Variants in ITSN2 observed in about 807,000 individuals in gnomAD.
The protein encoded by ITSN2 is intersectin 2, also known as intersectin-2.
In ITSN2, 156 loss-of-function variants were observed where a neutral mutation model predicts 243.7. The observed-to-expected ratio is 0.64, with a 90% CI of 0.56 to 0.73. ITSN2 has a LOEUF of 0.73. Ranked by LOEUF, ITSN2 falls within the 30% of genes least tolerant of loss-of-function variation. The pLI, the probability that ITSN2 is intolerant of heterozygous loss-of-function variation, is 0.00. For missense variants in ITSN2, 1,801 were observed against 1,996.1 expected, an observed-to-expected ratio of 0.90 and a Z score of 1.86; for synonymous variants, 703 against 699.9, an observed-to-expected ratio of 1.00 and a Z score of -0.07.
chr2:24,315,094 A>C, intron 3 of ITSN2, 38 bp downstream of exon 3: 6 of 1,078,138 alleles, frequency 5.6e-6, no homozygotes, highest in Non-Finnish European at 8.4e-6. Flanking sequence ...TCACATAAGG[A>C]CCATAATTCA....
rs529134061 is a variant in ITSN2 at position 24,271,752 on chromosome 2, A to T, written c.2257+14T>A. The stretch of plus-strand genomic sequence containing the variant: ...TGCATTTGTTCTACTGTCTCAAAGT[A>T]TCCTTATCCTTACGTTTTTTCTCCT... On this transcript the variant is annotated intron_variant, in intron 19 of 39. Coordinates refer to ENST00000355123, the MANE Select transcript of ITSN2 (RefSeq NM_006277.3). 1.3e-6 allele frequency: 2 copies of T among 1,568,196 alleles called. No homozygotes were observed. Among genetic ancestry groups the T allele is most frequent in the Non-Finnish European group, 1.7e-6 (2 of 1,164,274 alleles).
At chr2:24,324,318 ATGGACTCTAC>A (rs983391228) in intron 2 of ITSN2, among the ~76,000 whole-genome samples, 2 of 152,122 alleles carry the variant, frequency 1.3e-5, no homozygotes, top group African/African-American at 2.4e-5. Flanking sequence ...CCGGGCAGTG[ATGGACTCTAC>A]TGCTATCCTA....
chr2:24,330,684 A>AT, intron 1 of ITSN2: 1 of 704,736 alleles, frequency 1.4e-6, no homozygotes, highest in Non-Finnish European at 2.6e-6. Flanking sequence ...AAGTGTGTGT[A>AT]TTTTTTATAA....
chr2:24,205,333 C>T (rs1212355683), intron 37 of ITSN2, 36 bp from the exon 38 acceptor site: 1 of 1,559,198 alleles, frequency 6.4e-7, no homozygotes, highest in South Asian at 1.1e-5. Flanking sequence ...TTAATCTCTT[C>T]TCCAAGGATG....
intron 20 of ITSN2, among the ~76,000 whole-genome samples, chr2:24,267,290 C>T (rs536556983): frequency 1.3e-5 from 2 of 151,122 alleles, no homozygotes; most frequent in South Asian, 2.1e-4. Context: ...ACGTAGATGA[C>T]AGGTTGATGG....
chr2:24,238,006 T>C (rs1672349744), intron 29 of ITSN2, among the ~76,000 whole-genome samples: 1 of 152,122 alleles, frequency 6.6e-6, no homozygotes, highest in Admixed American at 6.6e-5. Flanking sequence ...ATAATTACAC[T>C]TCCCCACCAT....
In ITSN2 at chr2:24,315,188, C is replaced by T. The variant is rs1232558704; in HGVS notation, c.68G>A (p.Arg23His). ...ATCAAACTGCCTGTCATGCTTAGTA[C>T]GTTCTTCAGAGGTAATAGCCCACAT... ...PNMWAITSEE[R>H]TKHDRQFDNL... The change falls in exon 3 of 40, where the codon CGT (arginine) becomes CAT (histidine). Residue 23 changes from arginine (R) to histidine (H), a missense_variant. Physicochemically the swap from Arg to His is conservative, Grantham distance 29. This residue lies in a region of ITSN2 where 77 missense variants were observed against 90.1 expected (regional missense o/e 0.85). Coordinates refer to ENST00000355123, the MANE Select transcript of ITSN2 (RefSeq NM_006277.3). 4.3e-6 allele frequency: 7 copies of T among 1,612,394 alleles called. No homozygotes were observed. Among genetic ancestry groups the T allele is most frequent in the Non-Finnish European group, 5.9e-6 (7 of 1,178,838 alleles).
At chr2:24,286,399 T>C in intron 15 of ITSN2, 48 bp from the exon 16 acceptor site, 1 of 1,539,552 alleles carries the variant, frequency 6.5e-7, no homozygotes, top group African/African-American at 1.4e-5. Flanking sequence ...AGTTCGTATG[T>C]CATTACCAGC....
At position 24,313,603 on chromosome 2, in the gene ITSN2, A is replaced by C. The variant is rs1683532178; in HGVS notation, c.125-80T>G. 69 of 878,870 alleles carry C rather than the reference A, an allele frequency of 7.9e-5. No homozygotes were observed. In the South Asian group the frequency reaches 1.1e-3, roughly 14 times the overall value. The allele number at this position is 878,870 out of a possible 1,614,324, so 54.4% of individuals were successfully genotyped here. A position where few individuals can be genotyped will look rare whatever the true frequency, so the allele number is the denominator to read the frequency against. ...AATGCTTCTGAATAATAATGGGTAT[A>C]TGTTAATGATTTATTATAATTTTAA... On this transcript the variant is annotated intron_variant, in intron 3 of 39. Transcript: ENST00000355123.
At chr2:24,313,332 C>T in intron 4 of ITSN2, 128 bp downstream of exon 4, 3 of 674,004 alleles carry the variant, frequency 4.5e-6, no homozygotes, top group Non-Finnish European at 7.4e-6. Flanking sequence ...ACCTCAGACT[C>T]CCAAAGTGCT....
chr2:24,226,134 G>A (rs1347457034), intron 29 of ITSN2, among the ~76,000 whole-genome samples: 3 of 152,164 alleles, frequency 2.0e-5, no homozygotes, highest in East Asian at 3.9e-4. Context: ...ATAGCAAGCT[G>A]AGCACAGCGT....
rs1177065750 is a variant in ITSN2, at chr2:24,295,791, T to C, written c.1508A>G (p.Gln503Arg). The change falls in exon 14 of 40, where the codon CAG becomes CGG. Residue 503 changes from glutamine (Q) to arginine (R), a missense_variant. Coordinates refer to ENST00000355123, the MANE Select transcript of ITSN2 (RefSeq NM_006277.3). The stretch of plus-strand genomic sequence containing the variant: ...ATCCTGAAGTCTGCCTGAGATCTGC[T>C]GATGTTTGCCATTCTATAGGAAGAT... ...LELEALNGKHQQISGRLQDVR... is the reference protein window; with the variant it reads ...LELEALNGKHRQISGRLQDVR... 6.5e-7 allele frequency: 1 copy of C among 1,544,298 alleles called. No homozygotes were observed. Among genetic ancestry groups the C allele is most frequent in the African/African-American group, 1.4e-5 (1 of 70,174 alleles).
intron 17 of ITSN2, among the ~76,000 whole-genome samples, chr2:24,278,430 T>C (rs1202733727): frequency 6.6e-6 from 1 of 152,114 alleles, no homozygotes; most frequent in Non-Finnish European, 1.5e-5. Context: ...AAATGAAAAA[T>C]GCATAAACAA....
At chr2:24,266,264 G>C (rs1048546718) in intron 20 of ITSN2, among the ~76,000 whole-genome samples, 2 of 151,534 alleles carry the variant, frequency 1.3e-5, no homozygotes, top group Non-Finnish European at 2.9e-5. Flanking sequence ...TTTTTTCCTA[G>C]ACTGTGGTCT....
chr2:24,333,260 T>C (rs1048177091), intron 1 of ITSN2, among the ~76,000 whole-genome samples: 4 of 152,172 alleles, frequency 2.6e-5, no homozygotes, highest in African/African-American at 9.7e-5. Flanking sequence ...TGTTAGCACA[T>C]TTGTCCAGGA....
At chr2:24,216,409 C>T in intron 31 of ITSN2, 177 bp from the exon 32 acceptor site, 1 of 467,606 alleles carries the variant, frequency 2.1e-6, no homozygotes, top group Non-Finnish European at 3.7e-6. Context: ...CTCTGCTGGT[C>T]AAGCCAACCG....
chr2:24,290,397 T>A (rs953180150), intron 15 of ITSN2, among the ~76,000 whole-genome samples: 7 of 152,186 alleles, frequency 4.6e-5, no homozygotes, highest in Admixed American at 4.6e-4. Flanking sequence ...GCTGTCTTAA[T>A]TTTTGATTTG....
Position 24,204,733 on chromosome 2 carries a change from C to T in ITSN2, c.4763-315G>A. The T allele has an allele frequency of 1.9e-6, 1 of 535,932 alleles. No individual in the cohort carries two copies. The highest frequency in any genetic ancestry group is 3.6e-6 in the Non-Finnish European group (1 of 279,212). 33.2% of individuals were successfully genotyped at this position (535,932 alleles called of 1,614,324 possible). The stretch of plus-strand genomic sequence containing the variant: ...GCGCAGACACACTCGGGAAGGCGGG[C>T]ACTGGCACTTACTGGGAAAACAGTG... On this transcript the variant is annotated intron_variant, in intron 38 of 39. Coordinates refer to ENST00000355123, the MANE Select transcript of ITSN2 (RefSeq NM_006277.3). This position sits in a 1 kb window ranked among gnomAD's most constrained non-coding sequence, Gnocchi z 5.1.
At chr2:24,237,584 ACTC>A (rs1672308099) in intron 29 of ITSN2, among the ~76,000 whole-genome samples, 1 of 151,870 alleles carries the variant, frequency 6.6e-6, no homozygotes, top group African/African-American at 2.4e-5. Flanking sequence ...GGTGCTCCAA[ACTC>A]CTCTTCTTCC....
Sources: gnomAD v4.1 joint callset for allele counts (sites outside exome capture counted in the v4.1 genomes callset) on GRCh38, gnomAD v4.1.1 for gene constraint, gnomAD v4.1.1 regional missense constraint, Gnocchi (gnomAD v3.1) non-coding constraint, MANE v1.5 for transcripts, NCBI Gene and HGNC (gene_info 2026-07-23, HGNC 2026-07-21) for gene names.